Variants in OR3A2 observed in about 807,000 individuals in gnomAD.
OR3A2 encodes olfactory receptor family 3 subfamily A member 2.
For synonymous variants in OR3A2, 126 were observed against 159.3 expected (o/e 0.79, Z 1.57); for missense variants, 318 against 392.8 (o/e 0.81, Z 1.61).
At chr17:3,376,455 C>T (rs1366475483) in intron 2 of OR3A2, among the ~76,000 whole-genome samples, 1 of 129,026 alleles carries the variant, frequency 7.8e-6, no homozygotes, top group African/African-American at 3.0e-5. Flanking sequence ...TTGGGCAGGG[C>T]TTGCTGCAGC....
At chr17:3,377,440 T>C (rs1005058506) in intron 2 of OR3A2, 2 of 152,236 alleles carry the variant, frequency 1.3e-5, no homozygotes, top group Non-Finnish European at 2.9e-5. Flanking sequence ...CTTTATTCTC[T>C]CTCTTCCTTA....
intron 1 of OR3A2, among the ~76,000 whole-genome samples, chr17:3,280,441 T>C (rs528110566): frequency 2.3e-4 from 35 of 152,136 alleles, no homozygotes; most frequent in African/African-American, 6.3e-4. Context: ...CCGGCTAATT[T>C]TTTTGTATTT....
At chr17:3,306,007 T>C (rs554521115) in intron 3 of OR3A2, among the ~76,000 whole-genome samples, 11 of 152,188 alleles carry the variant, frequency 7.2e-5, no homozygotes, top group East Asian at 1.9e-4. Context: ...CAGGATCCTA[T>C]CTCTGTTAAG....
intron 2 of OR3A2, among the ~76,000 whole-genome samples, chr17:3,342,153 T>C (rs2049324287): frequency 6.6e-6 from 1 of 152,206 alleles, no homozygotes; most frequent in South Asian, 2.1e-4. Flanking sequence ...TTTATTCTAG[T>C]TAGCCATTTG....
intron 3 of OR3A2, among the ~76,000 whole-genome samples, chr17:3,330,952 T>A (rs1164601286): frequency 1.3e-5 from 2 of 152,110 alleles, no homozygotes; most frequent in East Asian, 1.9e-4. Flanking sequence ...TAAAGGATTT[T>A]ATTTCTCCTT....
At chr17:3,376,549 C>T (rs1009840375) in intron 2 of OR3A2, among the ~76,000 whole-genome samples, 1 of 152,146 alleles carries the variant, frequency 6.6e-6, no homozygotes, top group African/African-American at 2.4e-5. Flanking sequence ...CTGCATCATA[C>T]ATATCACCAG....
intron 3 of OR3A2, among the ~76,000 whole-genome samples, chr17:3,332,440 T>A (rs2150643008): frequency 6.6e-6 from 1 of 152,330 alleles, no homozygotes; most frequent in East Asian, 1.9e-4. Context: ...AAGCGCAATA[T>A]TCGGGTGGGA....
intron 2 of OR3A2, among the ~76,000 whole-genome samples, chr17:3,379,481 G>A (rs752948197): frequency 3.9e-5 from 6 of 152,144 alleles, no homozygotes; most frequent in Non-Finnish European, 7.3e-5. Flanking sequence ...TGTGAGGCTC[G>A]GCTGCCACGA....
upstream of OR3A2, among the ~76,000 whole-genome samples, chr17:3,289,003 T>C (rs375927673): frequency 4.6e-5 from 7 of 152,250 alleles, no homozygotes; most frequent in East Asian, 1.9e-4. Context: ...ATGGGTAAGA[T>C]AGATTTGTAG....
intron 2 of OR3A2, among the ~76,000 whole-genome samples, chr17:3,367,594 T>C: frequency 8.8e-6 from 1 of 113,626 alleles, no homozygotes; most frequent in African/African-American, 3.1e-5. Flanking sequence ...TATATGTGTG[T>C]GTGTGTGTAT....
intron 2 of OR3A2, among the ~76,000 whole-genome samples, chr17:3,369,749 A>G (rs2049596187): frequency 6.7e-6 from 1 of 149,806 alleles, no homozygotes; most frequent in Admixed American, 6.6e-5. Context: ...GCTTCACAGA[A>G]TGATTTAGGG....
chr17:3,325,676 C>G (rs1000867759), intron 3 of OR3A2, among the ~76,000 whole-genome samples: 1 of 151,960 alleles, frequency 6.6e-6, no homozygotes, highest in African/African-American at 2.4e-5. Flanking sequence ...TCTGATCAAG[C>G]CTCTTTTTAA....
At chr17:3,365,343 AAC>A (rs1366421211) in intron 2 of OR3A2, among the ~76,000 whole-genome samples, 1 of 152,186 alleles carries the variant, frequency 6.6e-6, no homozygotes, top group Non-Finnish European at 1.5e-5. Flanking sequence ...TTCCAGGGGA[AAC>A]TACTTTTTGT....
chr17:3,289,310 A>T (rs1355216692), upstream of OR3A2, among the ~76,000 whole-genome samples: 1 of 152,228 alleles, frequency 6.6e-6, no homozygotes, highest in Non-Finnish European at 1.5e-5. Flanking sequence ...ATAAAAGGGG[A>T]GAAAAATTCC....
intron 3 of OR3A2, chr17:3,291,624 T>C (rs200683360): frequency 8.5e-4 from 1,345 of 1,575,730 alleles, no homozygotes; most frequent in Non-Finnish European, 1.0e-3. Flanking sequence ...AAAGGGTCAA[T>C]TGAGACCTCC....
At chr17:3,369,267 T>C (rs529540966) in intron 2 of OR3A2, among the ~76,000 whole-genome samples, 176 of 152,306 alleles carry the variant, frequency 1.2e-3, no homozygotes, top group Non-Finnish European at 2.2e-3. Context: ...GGACTTTCAG[T>C]ACTATGTTGA....
intron 2 of OR3A2, among the ~76,000 whole-genome samples, chr17:3,339,669 A>C (rs891261738): frequency 2.0e-5 from 3 of 152,058 alleles, no homozygotes; most frequent in Non-Finnish European, 2.9e-5. Flanking sequence ...TGCTGGATTC[A>C]GTTTGCCAGT....
In OR3A2 at chr17:3,300,679, C is replaced by T. The variant is rs1429978673; in HGVS notation, c.-84-21526G>A. On this transcript the variant is annotated intron_variant, in intron 3 of 4. Coordinates refer to the OR3A2 transcript ENST00000573491. ...AAGTTTTGATGAAAATATTGAGCAA[C>T]AAAAATTTTTTTCTTTTTTTTTTAA... 6.2e-5 allele frequency among the ~76,000 whole-genome samples: 8 copies of T among 129,884 alleles called. No homozygotes were observed. The East Asian group carries it at 3.3e-3, about 53-fold the overall frequency. 85.2% of individuals were successfully genotyped at this position (129,884 alleles called of 152,430 possible). A position where few individuals can be genotyped will look rare whatever the true frequency, so the allele number is the denominator to read the frequency against.
exon 2 of OR3A2, chr17:3,278,276 C>T (rs1458159160): frequency 6.2e-7 from 1 of 1,614,184 alleles, no homozygotes; most frequent in Middle Eastern, 1.6e-4. Context: ...TGATGAGAAC[C>T]AAAGGTGTGC....
Sources: allele counts gnomAD v4.1 joint callset (sites outside exome capture counted in the v4.1 genomes callset), GRCh38; gene constraint gnomAD v4.1.1; transcripts MANE v1.5; gene names NCBI Gene and HGNC (gene_info 2026-07-23, HGNC 2026-07-21).